Variants in MYO1E observed in about 807,000 individuals in gnomAD.
MYO1E encodes myosin IE.
MYO1E carries 68 observed loss-of-function variants against 151.1 expected under a neutral mutation model. That is an observed-to-expected ratio of 0.45 (90% CI 0.37 to 0.55). The LOEUF is 0.55. MYO1E is among the 20% of genes least tolerant of loss of function. MYO1E has a pLI of 0.00. For missense variants in MYO1E, 1,363 were observed against 1,389.3 expected (o/e 0.98, Z 0.30); for synonymous variants, 601 against 501.7 (o/e 1.20, Z -2.64).
chr15:59,250,288 A>G (rs1369561034), intron 4 of MYO1E, among the ~76,000 whole-genome samples: 1 of 152,176 alleles, frequency 6.6e-6, no homozygotes, highest in African/African-American at 2.4e-5. Flanking sequence ...TGGAAACTAA[A>G]GGCATTTGCA....
At chr15:59,284,215 T>A (rs2080373846) in intron 1 of MYO1E, among the ~76,000 whole-genome samples, 1 of 152,240 alleles carries the variant, frequency 6.6e-6, no homozygotes, top group African/African-American at 2.4e-5. Flanking sequence ...CACAACATGT[T>A]TGCTGTAGGT....
Position 59,208,791 on chromosome 15 carries a change from C to T in MYO1E, c.1420G>A (p.Gly474Ser), listed in dbSNP as rs1037256063. 4.3e-6 allele frequency: 7 copies of T among 1,614,112 alleles called. No homozygotes were observed. In the African/African-American group the frequency reaches 8.0e-5, roughly 18 times the overall value. Residue 474 changes from glycine (G) to serine (S), a missense_variant, in exon 14 of 28, where the codon GGT becomes AGT. Physicochemically the swap from Gly to Ser is moderately conservative, Grantham distance 56 (BLOSUM62 0). Coordinates refer to ENST00000288235, the MANE Select transcript of MYO1E (RefSeq NM_004998.4). The stretch of plus-strand genomic sequence containing the variant: ...AGCAGCGTCTGATCTGCCCCCTCAC[C>T]CACCGCATGCATCGTGGCGCACACG... ...DDVCATMHAV[G>S]EGADQTLLQK...
intron 4 of MYO1E, among the ~76,000 whole-genome samples, chr15:59,247,095 C>A (rs2080134865): frequency 6.6e-6 from 1 of 152,180 alleles, no homozygotes; most frequent in Non-Finnish European, 1.5e-5. Context: ...ACTCGCGAGG[C>A]TGAGGTGGGA....
chr15:59,224,863 A>C, intron 7 of MYO1E, 40 bp from the exon 8 acceptor site: 1 of 1,613,886 alleles, frequency 6.2e-7, no homozygotes, highest in African/African-American at 1.3e-5. Context: ...GATGTGGACC[A>C]CAAGGCACCC....
intron 4 of MYO1E, among the ~76,000 whole-genome samples, chr15:59,237,851 A>C (rs2080076210): frequency 2.0e-5 from 3 of 152,246 alleles, no homozygotes; most frequent in Admixed American, 6.5e-5. Context: ...AAAAGAAACA[A>C]ATGAACAGAG....
rs188090288 is a variant in MYO1E, at chr15:59,141,659, G to A, written c.3081-3292C>T. On this transcript the variant is annotated intron_variant, in intron 26 of 27. Coordinates refer to ENST00000288235, the MANE Select transcript of MYO1E (RefSeq NM_004998.4). ...CTGAAAATACAGACGGTAGCTGGGC[G>A]TGACGGTGCATGCCTATAGTCCCAG... is the stretch of plus-strand genomic sequence containing the variant. Among the ~76,000 whole-genome samples the A allele has an allele frequency of 5.4e-3, 828 of 152,194 alleles. 7 individuals are homozygous for A. Among genetic ancestry groups the A allele is most frequent in the African/African-American group, 0.019 (784 of 41,540 alleles).
intron 1 of MYO1E, among the ~76,000 whole-genome samples, chr15:59,310,723 T>C (rs1177738990): frequency 6.6e-6 from 1 of 152,084 alleles, no homozygotes; most frequent in African/African-American, 2.4e-5. Flanking sequence ...AAATGAATTA[T>C]AGTATCTAAA....
At chr15:59,161,275 G>T (rs752476708) in intron 23 of MYO1E, 45 bp from the exon 24 acceptor site, 54 of 1,600,016 alleles carry the variant, frequency 3.4e-5, no homozygotes, top group Non-Finnish European at 4.4e-5. Context: ...GACGCAGTGA[G>T]AAAACGGTGC....
At chr15:59,138,425 C>G in intron 26 of MYO1E, 58 bp from the exon 27 acceptor site, 4 of 1,596,848 alleles carry the variant, frequency 2.5e-6, no homozygotes, top group Non-Finnish European at 3.4e-6. Flanking sequence ...CAGCACCGAA[C>G]GGTGGTTTGG....
chr15:59,184,074 T>C (rs1402782519), intron 18 of MYO1E, among the ~76,000 whole-genome samples: 1 of 152,228 alleles, frequency 6.6e-6, no homozygotes, highest in East Asian at 1.9e-4. Context: ...AGTGGCGTAA[T>C]CTCGGCTCAC....
chr15:59,284,641 A>ATT (rs1290331376), intron 1 of MYO1E, among the ~76,000 whole-genome samples: 5 of 120,768 alleles, frequency 4.1e-5, no homozygotes, highest in Non-Finnish European at 3.3e-5. Context: ...AAAAAAAAAA[A>ATT]TTTTTTTTTT....
At chr15:59,183,125 T>C (rs1224530600) in intron 18 of MYO1E, among the ~76,000 whole-genome samples, 4 of 148,744 alleles carry the variant, frequency 2.7e-5, no homozygotes, top group Admixed American at 6.8e-5. Flanking sequence ...AGACCAGTAC[T>C]GGTCCCCTGC....
At position 59,208,912 on chromosome 15, in the gene MYO1E, G is replaced by C; in HGVS notation, c.1363-64C>G. ...TCTCCAAAACAGACAATGCTTATCA[G>C]GTCCTTTCTTAGGCAAGGAAACAGC... On this transcript the variant is annotated intron_variant, in intron 13 of 27. Coordinates refer to ENST00000288235, the MANE Select transcript of MYO1E (RefSeq NM_004998.4). 6 of 1,593,976 alleles carry C rather than the reference G, an allele frequency of 3.8e-6. No homozygotes were observed. The South Asian group carries it at 6.6e-5, about 18-fold the overall frequency.
intron 1 of MYO1E, among the ~76,000 whole-genome samples, chr15:59,364,593 C>A (rs1410779062): frequency 6.6e-6 from 1 of 152,126 alleles, no homozygotes; most frequent in African/African-American, 2.4e-5. Context: ...ATATTTGCCC[C>A]ATAATTACAA....
intron 1 of MYO1E, among the ~76,000 whole-genome samples, chr15:59,286,360 G>A (rs1216395948): frequency 6.6e-6 from 1 of 152,198 alleles, no homozygotes; most frequent in Non-Finnish European, 1.5e-5. Context: ...TCTGAAAAAT[G>A]TTTGGGGCAT....
At chr15:59,295,254 G>GA (rs1289711099) in intron 1 of MYO1E, among the ~76,000 whole-genome samples, 13 of 151,412 alleles carry the variant, frequency 8.6e-5, no homozygotes, top group Admixed American at 5.3e-4. Context: ...GAGAGAGGAG[G>GA]AAAAAAAAGG....
chr15:59,224,582 G>A lies in MYO1E; in HGVS notation c.777+107C>T, dbSNP rs115959593. The A allele has an allele frequency of 1.8e-4, 268 of 1,455,812 alleles. 1 individual carries two copies. The African/African-American group carries it at 2.7e-3, about 15-fold the overall frequency. The allele number at this position is 1,455,812 out of a possible 1,614,324, so 90.2% of individuals were successfully genotyped here. A position where few individuals can be genotyped will look rare whatever the true frequency, so the allele number is the denominator to read the frequency against. On this transcript the variant is annotated intron_variant, in intron 8 of 27. Coordinates refer to ENST00000288235, the MANE Select transcript of MYO1E (RefSeq NM_004998.4). ...ACAGAGTGCTCACAGAGAAAGAGGC[G>A]GACATTTCATGCAGCTCTTTGCTTT...
At chr15:59,336,526 A>T (rs770468337) in intron 1 of MYO1E, among the ~76,000 whole-genome samples, 1 of 152,178 alleles carries the variant, frequency 6.6e-6, no homozygotes, top group Non-Finnish European at 1.5e-5. Context: ...AATTTTGGAC[A>T]TGTGTTGGAT....
chr15:59,218,684 G>A (rs1437588929), intron 9 of MYO1E, among the ~76,000 whole-genome samples: 2 of 152,156 alleles, frequency 1.3e-5, no homozygotes, highest in Admixed American at 1.3e-4. Context: ...GCCAAATAAA[G>A]AACCCTTGGA....
Sources: gnomAD v4.1 joint callset for allele counts (sites outside exome capture counted in the v4.1 genomes callset) on GRCh38, gnomAD v4.1.1 for gene constraint, MANE v1.5 for transcripts, NCBI Gene and HGNC (gene_info 2026-07-23, HGNC 2026-07-21) for gene names.